The following PPP1R14C variants were observed in gnomAD, a reference collection of about 807,000 sequenced individuals.
PPP1R14C encodes the protein protein phosphatase 1 regulatory subunit 14C.
A neutral mutation model predicts 20.4 loss-of-function variants in PPP1R14C; 16 were observed. That is an observed-to-expected ratio of 0.78 (90% CI 0.53 to 1.19). The LOEUF is 1.19. PPP1R14C is among the 50% of genes most tolerant of loss of function. PPP1R14C has a pLI of 0.00. For missense variants in PPP1R14C, 211 were observed against 220.1 expected, an observed-to-expected ratio of 0.96 and a Z score of 0.26; for synonymous variants, 91 against 91.0, an observed-to-expected ratio of 1.00 and a Z score of 0.00.
Position 150,236,236 on chromosome 6 carries a change from A to G in PPP1R14C, c.424-12510A>G, listed in dbSNP as rs567599413. On this transcript the variant is annotated intron_variant, in intron 3 of 3. Transcript: ENST00000361131. ...TAATGATCAAATGAGACAGTATGTG[A>G]AAATAAACAGAGTGGCTGTCACATG... Among the ~76,000 whole-genome samples the G allele has an allele frequency of 2.6e-5, 4 of 152,028 alleles. No homozygotes were observed. The East Asian group carries it at 7.7e-4, about 29-fold the overall frequency.
intron 1 of PPP1R14C, among the ~76,000 whole-genome samples, chr6:150,188,788 G>A (rs546690239): frequency 1.3e-5 from 2 of 150,470 alleles, no homozygotes; most frequent in African/African-American, 2.4e-5. Flanking sequence ...GCCTGGCTAG[G>A]AATTACCTTC....
rs1191168696 is a variant in PPP1R14C at position 150,143,094 on chromosome 6, C to A, written c.-99C>A. 9.7e-6 allele frequency: 11 copies of A among 1,133,276 alleles called. No homozygotes were observed. Among genetic ancestry groups the A allele is most frequent in the Non-Finnish European group, 1.2e-5 (11 of 929,554 alleles). 70.2% of individuals were successfully genotyped at this position (1,133,276 alleles called of 1,614,324 possible). A position where few individuals can be genotyped will look rare whatever the true frequency, so the allele number is the denominator to read the frequency against. On this transcript the variant is annotated 5_prime_UTR_variant, in exon 1 of 4. Transcript: ENST00000361131. The surrounding 1 kb of genome is among the most constrained non-coding windows in gnomAD (Gnocchi z 5.6). ...GCGGCGCAGAGCAGGTGCCGGGGAG[C>A]CCTTCGCATGCGGCTGCCGGGCCGG...
intron 1 of PPP1R14C, among the ~76,000 whole-genome samples, chr6:150,169,608 G>A (rs1438700521): frequency 6.6e-6 from 1 of 152,198 alleles, no homozygotes; most frequent in Non-Finnish European, 1.5e-5. Flanking sequence ...ACCTGCATAA[G>A]GTGAAGGCAC....
chr6:150,206,619 G>A (rs1777954835), intron 1 of PPP1R14C, among the ~76,000 whole-genome samples: 2 of 152,176 alleles, frequency 1.3e-5, no homozygotes, highest in South Asian at 2.1e-4. Context: ...AAAGGGAGGC[G>A]TTCTACACGG....
chr6:150,186,809 G>A (rs1777682819), intron 1 of PPP1R14C, among the ~76,000 whole-genome samples: 1 of 152,156 alleles, frequency 6.6e-6, no homozygotes, highest in African/African-American at 2.4e-5. Flanking sequence ...GATACCAGCT[G>A]GGGGTGGCTG....
chr6:150,248,943 T>C lies in PPP1R14C; in HGVS notation c.*123T>C. Reference sequence around the variant, plus strand: ...AACGTTTTTGTTTTTTTTTTTTTCTTTTTTGGTGTGAAGGTGGGGGGGTCT... The same window carrying C: ...AACGTTTTTGTTTTTTTTTTTTTCTCTTTTGGTGTGAAGGTGGGGGGGTCT... On this transcript the variant is annotated 3_prime_UTR_variant, in exon 4 of 4. Coordinates refer to ENST00000361131, the MANE Select transcript of PPP1R14C (RefSeq NM_030949.3). 1.2e-5 allele frequency: 7 copies of C among 562,690 alleles called. No homozygotes were observed. Among genetic ancestry groups the C allele is most frequent in the South Asian group, 3.4e-5 (1 of 29,712 alleles). The allele number at this position is 562,690 out of a possible 1,614,324, so 34.9% of individuals were successfully genotyped here.
intron 1 of PPP1R14C, among the ~76,000 whole-genome samples, chr6:150,147,759 C>G (rs1457931361): frequency 6.6e-6 from 1 of 152,318 alleles, no homozygotes; most frequent in Admixed American, 6.5e-5. Flanking sequence ...AGGTCTTTCC[C>G]TTTGCTTCCA....
chr6:150,234,025 G>A (rs1023752525), intron 3 of PPP1R14C, among the ~76,000 whole-genome samples: 1 of 152,234 alleles, frequency 6.6e-6, no homozygotes, highest in African/African-American at 2.4e-5. Context: ...GCAGACATGG[G>A]GAGAGTGTGC....
At chr6:150,160,256 C>CTTTTT (rs535189665) in intron 1 of PPP1R14C, among the ~76,000 whole-genome samples, 3 of 100,914 alleles carry the variant, frequency 3.0e-5, no homozygotes, top group Admixed American at 1.1e-4. Context: ...GTAGCTCATT[C>CTTTTT]TTTTTTTTTT....
chr6:150,198,570 G>A (rs537293129), intron 1 of PPP1R14C, among the ~76,000 whole-genome samples: 7 of 152,232 alleles, frequency 4.6e-5, no homozygotes, highest in Non-Finnish European at 1.0e-4. Flanking sequence ...TGTGGAAGAT[G>A]GTTTTCTTGA....
intron 3 of PPP1R14C, among the ~76,000 whole-genome samples, chr6:150,228,310 A>C (rs750928698): frequency 2.0e-5 from 3 of 152,116 alleles, no homozygotes; most frequent in African/African-American, 2.4e-5. Context: ...CTCAAAACCA[A>C]CTTCAGCTTT....
At chr6:150,186,885 A>G (rs1174732390) in intron 1 of PPP1R14C, among the ~76,000 whole-genome samples, 2 of 152,132 alleles carry the variant, frequency 1.3e-5, no homozygotes, top group Non-Finnish European at 2.9e-5. Flanking sequence ...GGGCCAAGCC[A>G]GGGAGTCAGA....
chr6:150,165,832 A>G (rs2114863573), intron 1 of PPP1R14C, among the ~76,000 whole-genome samples: 1 of 152,362 alleles, frequency 6.6e-6, no homozygotes, highest in Admixed American at 6.5e-5. Flanking sequence ...ACAAAGAAAA[A>G]GAGATGAAAA....
chr6:150,219,704 T>C (rs1778143936), intron 3 of PPP1R14C, among the ~76,000 whole-genome samples: 1 of 152,240 alleles, frequency 6.6e-6, no homozygotes, highest in Non-Finnish European at 1.5e-5. Flanking sequence ...GTTTATGTTT[T>C]AAATTATTCT....
intron 1 of PPP1R14C, among the ~76,000 whole-genome samples, chr6:150,174,992 G>T (rs566559588): frequency 1.3e-5 from 2 of 151,694 alleles, no homozygotes; most frequent in East Asian, 3.9e-4. Flanking sequence ...GTAGTGAAGA[G>T]GATGTTTCTT....
At position 150,150,321 on chromosome 6, in the gene PPP1R14C, A is replaced by G. The variant is rs560263636; in HGVS notation, c.306+6823A>G. On this transcript the variant is annotated intron_variant, in intron 1 of 3. Coordinates refer to ENST00000361131, the MANE Select transcript of PPP1R14C (RefSeq NM_030949.3). ...GGTAATGGTAGCCAATTGACTTTGAAGTTTAGGTTGACAGAATTCTTTTGC... is the reference window on the plus strand; with the variant it reads ...GGTAATGGTAGCCAATTGACTTTGAGGTTTAGGTTGACAGAATTCTTTTGC... Among the ~76,000 whole-genome samples, 9 of 152,254 alleles carry G rather than the reference A, an allele frequency of 5.9e-5. No homozygotes were observed. The East Asian group carries it at 1.4e-3, about 23-fold the overall frequency.
chr6:150,210,963 T>C (rs1281012314), intron 1 of PPP1R14C, among the ~76,000 whole-genome samples: 3 of 152,188 alleles, frequency 2.0e-5, no homozygotes, highest in Non-Finnish European at 4.4e-5. Flanking sequence ...TACACCCACA[T>C]TTAGAATTCA....
At chr6:150,214,857 T>G (rs1451313703) in intron 2 of PPP1R14C, 30 bp downstream of exon 2, 3 of 1,489,312 alleles carry the variant, frequency 2.0e-6, no homozygotes, top group Non-Finnish European at 1.9e-6. Context: ...GAGAACCTTC[T>G]AATCATGGAC....
chr6:150,160,256 CTTTTTTTTTT>C (rs535189665), intron 1 of PPP1R14C, among the ~76,000 whole-genome samples: 4 of 100,888 alleles, frequency 4.0e-5, no homozygotes, highest in Non-Finnish European at 7.4e-5. Context: ...GTAGCTCATT[CTTTTTTTTTT>C]TTTTTTTTTT....
Sources: allele counts gnomAD v4.1 joint callset (sites outside exome capture counted in the v4.1 genomes callset), GRCh38; gene constraint gnomAD v4.1.1; non-coding constraint Gnocchi (gnomAD v3.1); transcripts MANE v1.5; gene names NCBI Gene and HGNC (gene_info 2026-07-23, HGNC 2026-07-21).